The following SELENOI variants were observed in gnomAD, a reference collection of about 807,000 sequenced individuals.
SELENOI encodes selenoprotein I.
SELENOI carries 24 observed loss-of-function variants against 50.7 expected under a neutral mutation model. The ratio of observed to expected loss-of-function variants is 0.47; its 90% confidence interval spans 0.34 to 0.67. The LOEUF is 0.67. SELENOI is among the 30% of genes least tolerant of loss of function. SELENOI has a pLI of 0.01. For synonymous variants in SELENOI, 155 were observed against 170.2 expected (o/e 0.91, Z 0.70); for missense variants, 352 against 461.4 (o/e 0.76, Z 2.17).
chr2:26,386,292 G>A, intron 8 of SELENOI, 62 bp from the exon 9 acceptor site: 1 of 1,487,878 alleles, frequency 6.7e-7, no homozygotes, highest in Non-Finnish European at 9.1e-7. Flanking sequence ...ACTAGTTTTG[G>A]AAGTGCTTTG....
intron 1 of SELENOI, among the ~76,000 whole-genome samples, chr2:26,347,757 C>T (rs1369472535): frequency 6.6e-6 from 1 of 152,142 alleles, no homozygotes; most frequent in Non-Finnish European, 1.5e-5. Context: ...ATAGCTATTT[C>T]AATGGGAGCA....
chr2:26,372,376 G>A (rs1431232208), intron 4 of SELENOI, among the ~76,000 whole-genome samples: 1 of 152,256 alleles, frequency 6.6e-6, no homozygotes, highest in Non-Finnish European at 1.5e-5. Context: ...CTCCGAAAGT[G>A]CTGGGATCAT....
intron 4 of SELENOI, 90 bp downstream of exon 4, chr2:26,367,310 A>C (rs1199159105): frequency 1.0e-6 from 1 of 975,726 alleles, no homozygotes; most frequent in African/African-American, 1.6e-5. Flanking sequence ...TCCTGTGCTT[A>C]ATTCATTTTA....
intron 1 of SELENOI, among the ~76,000 whole-genome samples, chr2:26,355,835 A>G (rs1467500900): frequency 6.7e-6 from 1 of 150,328 alleles, no homozygotes; most frequent in African/African-American, 2.5e-5. Context: ...CAACCTCCCC[A>G]GGCTCAGGTG....
At chr2:26,370,447 A>G (rs866164830) in intron 4 of SELENOI, among the ~76,000 whole-genome samples, 130 of 118,288 alleles carry the variant, frequency 1.1e-3, no homozygotes, top group African/African-American at 2.3e-3. Flanking sequence ...GGGCAGAGGC[A>G]CCCCTCACCT....
chr2:26,352,843 G>GAAAAA (rs35795789), intron 1 of SELENOI, among the ~76,000 whole-genome samples: 1 of 126,328 alleles, frequency 7.9e-6, no homozygotes, highest in Non-Finnish European at 1.7e-5. Context: ...GGATTCTCTT[G>GAAAAA]AAAAAAAAAA....
chr2:26,367,366 G>T (rs1470748793), intron 4 of SELENOI, 146 bp downstream of exon 4: 15 of 668,840 alleles, frequency 2.2e-5, no homozygotes, highest in Non-Finnish European at 3.2e-5. Context: ...ATATGTTTTT[G>T]AGTTTCTTTA....
At chr2:26,352,739 G>A (rs981702910) in intron 1 of SELENOI, among the ~76,000 whole-genome samples, 6 of 151,318 alleles carry the variant, frequency 4.0e-5, no homozygotes, top group Non-Finnish European at 8.8e-5. Flanking sequence ...AGCCAAGATC[G>A]TGCCACTGCA....
At chr2:26,367,436 A>G (rs1677310174) in intron 4 of SELENOI, among the ~76,000 whole-genome samples, 1 of 152,216 alleles carries the variant, frequency 6.6e-6, no homozygotes. Flanking sequence ...TTGGTAAACT[A>G]CTACTTGTGG....
intron 4 of SELENOI, among the ~76,000 whole-genome samples, chr2:26,371,827 G>C (rs184657997): frequency 6.6e-6 from 1 of 152,208 alleles, no homozygotes; most frequent in Non-Finnish European, 1.5e-5. Flanking sequence ...TCCAGCTTCG[G>C]CTCGGCATGA....
chr2:26,388,538 G>A (rs1400215879), intron 9 of SELENOI, among the ~76,000 whole-genome samples: 1 of 152,076 alleles, frequency 6.6e-6, no homozygotes, highest in Non-Finnish European at 1.5e-5. Context: ...ACATGCACTC[G>A]CTGACCTATA....
intron 9 of SELENOI, among the ~76,000 whole-genome samples, chr2:26,388,097 T>A (rs1023119180): frequency 1.3e-5 from 2 of 152,244 alleles, no homozygotes; most frequent in East Asian, 3.8e-4. Flanking sequence ...TGAATTGTGA[T>A]ATAAGACATA....
At chr2:26,388,745 A>T (rs905623476) in intron 9 of SELENOI, among the ~76,000 whole-genome samples, 6 of 152,146 alleles carry the variant, frequency 3.9e-5, no homozygotes, top group Admixed American at 1.3e-4. Flanking sequence ...AGTTTTTCAG[A>T]TTTGGATGTG....
In SELENOI at chr2:26,395,443, C is replaced by G. The variant is rs1678069791; in HGVS notation, c.*6340C>G. 6.6e-6 allele frequency: 1 copy of G among 152,290 alleles called. No individual in the cohort carries two copies. The allele number at this position is 152,290 out of a possible 1,614,324, so 9.4% of individuals were successfully genotyped here. A position where few individuals can be genotyped will look rare whatever the true frequency, so the allele number is the denominator to read the frequency against. On this transcript the variant is annotated 3_prime_UTR_variant, in exon 10 of 10. Transcript: ENST00000260585. ...CTTTGAGAAAGATGGCTGCTTCCACCAGGGTGGAGGCTTCTAGGTCTGCAT... is the reference window on the plus strand; with the variant it reads ...CTTTGAGAAAGATGGCTGCTTCCACGAGGGTGGAGGCTTCTAGGTCTGCAT...
At chr2:26,378,569 C>T (rs535578087) in intron 6 of SELENOI, among the ~76,000 whole-genome samples, 2 of 152,344 alleles carry the variant, frequency 1.3e-5, no homozygotes, top group East Asian at 3.9e-4. Flanking sequence ...TATCTGCTTC[C>T]ATAAGCTGGT....
intron 1 of SELENOI, among the ~76,000 whole-genome samples, chr2:26,362,893 A>G (rs955515496): frequency 2.0e-5 from 3 of 152,194 alleles, no homozygotes; most frequent in African/African-American, 7.2e-5. Flanking sequence ...AATATTACCT[A>G]GTTCAAGACT....
chr2:26,364,078 CTTTT>C (rs59396679), intron 1 of SELENOI, among the ~76,000 whole-genome samples: 18 of 114,896 alleles, frequency 1.6e-4, no homozygotes, highest in South Asian at 8.2e-4. Flanking sequence ...CTTTCTCCCC[CTTTT>C]TTTTTTTTTT....
intron 6 of SELENOI, 105 bp downstream of exon 6, chr2:26,375,253 C>A: frequency 1.5e-6 from 1 of 682,970 alleles, no homozygotes; most frequent in Non-Finnish European, 2.5e-6. Context: ...ACAAAACCTC[C>A]AGGAAGCAGA....
At chr2:26,364,194 G>T in intron 1 of SELENOI, 108 bp from the exon 2 acceptor site, 13 of 698,854 alleles carry the variant, frequency 1.9e-5, no homozygotes, top group Non-Finnish European at 2.4e-5. Flanking sequence ...TGGGTTATAT[G>T]CATGCGCCAC....
Sources: allele counts gnomAD v4.1 joint callset (sites outside exome capture counted in the v4.1 genomes callset), GRCh38; gene constraint gnomAD v4.1.1; transcripts MANE v1.5; gene names NCBI Gene and HGNC (gene_info 2026-07-23, HGNC 2026-07-21).